NRG1: variants seen among roughly 807,000 people sequenced by gnomAD.
NRG1 encodes the protein pro-neuregulin-1, membrane-bound isoform.
NRG1 carries 18 observed loss-of-function variants against 63.8 expected under a neutral mutation model. That is an observed-to-expected ratio of 0.28 (90% confidence interval 0.19 to 0.42). NRG1 has a LOEUF of 0.42. Among genes scored for constraint, NRG1 ranks in the 10% least tolerant of loss-of-function variants. The pLI, the probability that NRG1 is intolerant of heterozygous loss-of-function variation, is 1.00. For synonymous variants in NRG1, 302 were observed against 301.3 expected (o/e 1.00, Z -0.02); for missense variants, 762 against 814.7 (o/e 0.94, Z 0.79).
intron 1 of NRG1, among the ~76,000 whole-genome samples, chr8:31,829,263 C>T (rs943791754): frequency 1.3e-5 from 2 of 152,302 alleles, no homozygotes; most frequent in South Asian, 2.1e-4. Flanking sequence ...CTTGTTCAAA[C>T]GCAAACTCCC....
chr8:32,196,015 C>T (rs1842913728), intron 1 of NRG1, among the ~76,000 whole-genome samples: 1 of 152,002 alleles, frequency 6.6e-6, no homozygotes, highest in Non-Finnish European at 1.5e-5. Flanking sequence ...CAGGCACTAA[C>T]ATAGTATTAG....
chr8:32,033,182 C>T (rs1298745746), intron 1 of NRG1, among the ~76,000 whole-genome samples: 1 of 151,034 alleles, frequency 6.6e-6, no homozygotes, highest in Non-Finnish European at 1.5e-5. Context: ...GCAAGCTCCA[C>T]CTCCCGGGTT....
At chr8:32,257,067 G>T (rs1849807187) in intron 1 of NRG1, among the ~76,000 whole-genome samples, 1 of 152,134 alleles carries the variant, frequency 6.6e-6, no homozygotes, top group Non-Finnish European at 1.5e-5. Context: ...GAACTTCTTG[G>T]TGCTTTATTT....
intron 1 of NRG1, among the ~76,000 whole-genome samples, chr8:31,719,875 T>C (rs985922887): frequency 6.6e-6 from 1 of 152,072 alleles, no homozygotes; most frequent in South Asian, 2.1e-4. Flanking sequence ...TGTTTTTTGT[T>C]AGTTAGATCC....
At chr8:32,647,845 C>T (rs1452004369) in intron 5 of NRG1, 14 of 1,613,938 alleles carry the variant, frequency 8.7e-6, no homozygotes, top group Non-Finnish European at 1.1e-5. Flanking sequence ...GAGCCCCAGA[C>T]TGAAGATGGG....
At chr8:32,123,601 TATA>T (rs1256853125) in intron 1 of NRG1, among the ~76,000 whole-genome samples, 11 of 148,530 alleles carry the variant, frequency 7.4e-5, no homozygotes, top group Admixed American at 6.8e-5. Flanking sequence ...TATACTTATA[TATA>T]ATAATATAAA....
Position 32,316,165 on chromosome 8 carries a change from A to G in NRG1, c.38-279663A>G, listed in dbSNP as rs139569409. ...ATGTATCTAGAAACTCCATGAAGGA[A>G]TCTACACTTAGGGCTTAAAGAATCC... On this transcript the variant is annotated intron_variant, in intron 1 of 10. Coordinates refer to the NRG1 transcript ENST00000519301. 2.2e-4 allele frequency among the ~76,000 whole-genome samples: 34 copies of G among 152,322 alleles called. No homozygotes were observed. In the East Asian group the frequency reaches 6.2e-3, roughly 28 times the overall value.
intron 1 of NRG1, among the ~76,000 whole-genome samples, chr8:32,432,375 A>G (rs1277949762): frequency 6.6e-6 from 1 of 152,172 alleles, no homozygotes; most frequent in Non-Finnish European, 1.5e-5. Context: ...TCCCTTTTAC[A>G]AAAAAAGAAA....
At position 32,585,405 on chromosome 8, in the gene NRG1, A is replaced by C. The variant is rs139520634; in HGVS notation, c.101-10423A>C. Among the ~76,000 whole-genome samples the C allele has an allele frequency of 8.4e-3, 1,272 of 152,292 alleles. 9 individuals are homozygous for C. Among genetic ancestry groups the C allele is most frequent in the Middle Eastern group, 0.031 (9 of 294 alleles). ...AATTAGGGGCAGCTGTGGTGACAGA[A>C]TCAATTAGGCAGGCCTGCTGAACAC... On this transcript the variant is annotated intron_variant, in intron 1 of 11. Transcript: ENST00000356819.
chr8:31,723,162 T>C (rs891735597), intron 1 of NRG1, among the ~76,000 whole-genome samples: 2 of 152,192 alleles, frequency 1.3e-5, no homozygotes, highest in Non-Finnish European at 2.9e-5. Flanking sequence ...CTATTGAGTA[T>C]GATTTCTTGC....
intron 1 of NRG1, among the ~76,000 whole-genome samples, chr8:32,430,318 C>A (rs898264239): frequency 1.3e-5 from 2 of 152,172 alleles, no homozygotes; most frequent in Non-Finnish European, 2.9e-5. Flanking sequence ...TATAATATTT[C>A]TCTGCTTCAC....
At chr8:32,517,574 A>G (rs531720035) in intron 1 of NRG1, among the ~76,000 whole-genome samples, 2 of 152,304 alleles carry the variant, frequency 1.3e-5, no homozygotes, top group South Asian at 4.1e-4. Flanking sequence ...AATAAGTATT[A>G]CATGTCTAAT....
At chr8:32,501,740 A>G (rs905677023) in intron 1 of NRG1, among the ~76,000 whole-genome samples, 1 of 152,232 alleles carries the variant, frequency 6.6e-6, no homozygotes, top group African/African-American at 2.4e-5. Flanking sequence ...TTCTGAAATA[A>G]TCAAAGACAT....
chr8:31,947,832 G>C (rs1015701147), intron 1 of NRG1, among the ~76,000 whole-genome samples: 2 of 150,558 alleles, frequency 1.3e-5, no homozygotes, highest in African/African-American at 4.9e-5. Flanking sequence ...TGTAGTCCCA[G>C]CTACTTGGGA....
intron 1 of NRG1, among the ~76,000 whole-genome samples, chr8:32,097,376 G>A (rs549706807): frequency 2.0e-5 from 3 of 152,226 alleles, no homozygotes; most frequent in African/African-American, 7.2e-5. Context: ...GAGATTGCTG[G>A]ATCATATGGT....
chr8:32,253,969 A>G (rs1849403467), intron 1 of NRG1, among the ~76,000 whole-genome samples: 1 of 151,980 alleles, frequency 6.6e-6, no homozygotes, highest in Non-Finnish European at 1.5e-5. Context: ...TTTCTAGTTT[A>G]TTTGCGTAGA....
rs10692906 is a variant in NRG1, at chr8:31,989,253, C to CAAAAAAAAAAAA, written c.37+349831_37+349842dup. On this transcript the variant is annotated intron_variant, in intron 1 of 10. Transcript: ENST00000519301. ...CCTGGGTGAGAGAGAGACTCTGTCT[C>CAAAAAAAAAAAA]AAAAAAAAAAAAAAAAAAAAGAACA... Among the ~76,000 whole-genome samples, 36 of 47,506 alleles carry CAAAAAAAAAAAA rather than the reference C, an allele frequency of 7.6e-4. 4 individuals are homozygous for CAAAAAAAAAAAA. Among genetic ancestry groups the CAAAAAAAAAAAA allele is most frequent in the East Asian group, 3.3e-3 (2 of 602 alleles). 31.2% of individuals were successfully genotyped at this position (47,506 alleles called of 152,430 possible). A position where few individuals can be genotyped will look rare whatever the true frequency, so the allele number is the denominator to read the frequency against.
intron 1 of NRG1, among the ~76,000 whole-genome samples, chr8:32,380,493 C>A (rs998434680): frequency 2.6e-5 from 4 of 152,100 alleles, no homozygotes; most frequent in African/African-American, 9.7e-5. Flanking sequence ...ACCCAACACC[C>A]AACCACCACC....
At chr8:32,580,759 G>T (rs981167986) in intron 1 of NRG1, among the ~76,000 whole-genome samples, 1 of 152,100 alleles carries the variant, frequency 6.6e-6, no homozygotes, top group African/African-American at 2.4e-5. Context: ...GCAGTACTGA[G>T]AATATAATAT....
Sources: gnomAD v4.1 joint callset for allele counts (sites outside exome capture counted in the v4.1 genomes callset) on GRCh38, gnomAD v4.1.1 for gene constraint, MANE v1.5 for transcripts, NCBI Gene and HGNC (gene_info 2026-07-23, HGNC 2026-07-21) for gene names.